STIM1: variants seen among roughly 807,000 people sequenced by gnomAD.
STIM1 encodes the protein stromal interaction molecule 1.
In STIM1, 25 loss-of-function variants were observed where a neutral mutation model predicts 74.7. That is an observed-to-expected ratio of 0.33 (90% CI 0.24 to 0.47). The LOEUF is 0.47. STIM1 is among the 20% of genes least tolerant of loss of function. STIM1 has a pLI of 1.00. For missense variants in STIM1, 728 were observed against 920.8 expected (o/e 0.79, Z 2.71); for synonymous variants, 328 against 348.8 (o/e 0.94, Z 0.66).
intron 5 of STIM1, among the ~76,000 whole-genome samples, chr11:4,061,781 G>A (rs765697353): frequency 3.3e-5 from 5 of 152,188 alleles, no homozygotes; most frequent in Non-Finnish European, 7.3e-5. Context: ...ACATTGTGGT[G>A]CAATGGAATA....
intron 3 of STIM1, among the ~76,000 whole-genome samples, chr11:4,034,428 A>G (rs2094081939): frequency 6.6e-6 from 1 of 152,164 alleles, no homozygotes; most frequent in South Asian, 2.1e-4. Context: ...TTGATAAATT[A>G]CAGTGACTGA....
chr11:3,891,208 T>A (rs572898000), intron 1 of STIM1, among the ~76,000 whole-genome samples: 11 of 152,300 alleles, frequency 7.2e-5, no homozygotes, highest in African/African-American at 2.4e-4. Flanking sequence ...TTGGTGCAAG[T>A]AGGACTTAAA....
At chr11:4,001,433 A>T (rs1437883362) in intron 2 of STIM1, among the ~76,000 whole-genome samples, 2 of 152,212 alleles carry the variant, frequency 1.3e-5, no homozygotes, top group African/African-American at 2.4e-5. Context: ...ACCAATATTC[A>T]ACATTCTTAA....
chr11:3,900,244 C>T (rs947393782), intron 1 of STIM1, among the ~76,000 whole-genome samples: 5 of 152,136 alleles, frequency 3.3e-5, no homozygotes, highest in Admixed American at 6.5e-5. Context: ...GAGCCAGGTG[C>T]GGGATACAAT....
chr11:3,961,280 T>A, intron 1 of STIM1: 1 of 229,994 alleles, frequency 4.3e-6, no homozygotes, highest in Non-Finnish European at 9.3e-6. Context: ...CCACTGTACC[T>A]GGCCCTGCAG....
At chr11:3,959,838 G>A (rs1187062498) in intron 1 of STIM1, among the ~76,000 whole-genome samples, 1 of 152,088 alleles carries the variant, frequency 6.6e-6, no homozygotes, top group Non-Finnish European at 1.5e-5. Context: ...AAAAAACTAT[G>A]TATACCTTTG....
In STIM1 at chr11:4,040,519, C is replaced by G. The variant is rs368860762; in HGVS notation, c.386-15007C>G. Among the ~76,000 whole-genome samples, 39 of 152,294 alleles carry G rather than the reference C, an allele frequency of 2.6e-4. No homozygotes were observed. In the South Asian group the frequency reaches 8.1e-3, roughly 32 times the overall value. On this transcript the variant is annotated intron_variant, in intron 3 of 12. Coordinates refer to ENST00000526596, the MANE Select transcript of STIM1 (RefSeq NM_001382567.1). ...GTGTCTTCTTCTGTGTTCCCACAGCCCCTATCTCTTCACAGCCCTTAGCAC... is the reference window on the plus strand; with the variant it reads ...GTGTCTTCTTCTGTGTTCCCACAGCGCCTATCTCTTCACAGCCCTTAGCAC...
At chr11:4,061,326 G>A (rs1277565072) in intron 5 of STIM1, among the ~76,000 whole-genome samples, 1 of 152,154 alleles carries the variant, frequency 6.6e-6, no homozygotes, top group African/African-American at 2.4e-5. Context: ...TCTTCTCTTA[G>A]GCTTATTGCA....
chr11:3,952,848 G>C (rs781694858), intron 1 of STIM1, among the ~76,000 whole-genome samples: 2 of 152,196 alleles, frequency 1.3e-5, no homozygotes, highest in Admixed American at 6.5e-5. Context: ...AGGCAAATAG[G>C]CTGTCTACCA....
At chr11:4,041,341 A>G (rs1043349246) in intron 3 of STIM1, among the ~76,000 whole-genome samples, 2 of 152,178 alleles carry the variant, frequency 1.3e-5, no homozygotes, top group African/African-American at 4.8e-5. Flanking sequence ...CTCACCCTTT[A>G]CCTGCTAGAG....
intron 1 of STIM1, among the ~76,000 whole-genome samples, chr11:3,962,445 TTGTGTGTGTGTGTGTGTG>T: frequency 6.8e-6 from 1 of 147,726 alleles, no homozygotes. Flanking sequence ...CTGAGTAGTA[TTGTGTGTGTGTGTGTGTG>T]TGTGTGTGTG....
At chr11:4,027,568 C>G (rs1291381927) in intron 3 of STIM1, among the ~76,000 whole-genome samples, 4 of 152,160 alleles carry the variant, frequency 2.6e-5, no homozygotes, top group African/African-American at 9.7e-5. Flanking sequence ...CCCACCTCGG[C>G]CTCCCAAAGT....
intron 2 of STIM1, among the ~76,000 whole-genome samples, chr11:4,013,977 G>A (rs892408438): frequency 6.6e-6 from 1 of 151,936 alleles, no homozygotes; most frequent in African/African-American, 2.4e-5. Flanking sequence ...AAAGTGCTGG[G>A]ATTACAGGCA....
intron 3 of STIM1, among the ~76,000 whole-genome samples, chr11:4,038,397 C>A (rs181151600): frequency 6.5e-4 from 98 of 151,888 alleles, no homozygotes; most frequent in Admixed American, 1.4e-3. Context: ...AGCACATATA[C>A]CCTAAAACTT....
At chr11:3,978,141 C>G (rs1299081420) in intron 2 of STIM1, among the ~76,000 whole-genome samples, 1 of 150,870 alleles carries the variant, frequency 6.6e-6, no homozygotes, top group African/African-American at 2.4e-5. Context: ...CTACATATGC[C>G]TGTGTACTTT....
chr11:4,091,606 A>T lies in STIM1; in HGVS notation c.1959A>T (p.Pro653=). ...DSSRSHSPSS[P]DPDTPSPVGD... is the part of the protein sequence containing the mutation. ...CCCGTTCTCACAGCCCCAGCTCCCC[A>T]GACCCAGACACACCATCTCCAGTTG... Residue 653 remains proline, a synonymous_variant, in exon 13 of 13, where the codon CCA becomes CCT. Transcript: ENST00000526596. 1 of 1,614,142 alleles carries T rather than the reference A, an allele frequency of 6.2e-7. No homozygotes were observed. The highest frequency in any genetic ancestry group is 8.5e-7 in the Non-Finnish European group (1 of 1,180,024).
intron 3 of STIM1, among the ~76,000 whole-genome samples, chr11:4,037,096 C>A (rs1208190787): frequency 6.6e-6 from 1 of 151,064 alleles, no homozygotes; most frequent in Non-Finnish European, 1.5e-5. Flanking sequence ...CGCTCTGTTG[C>A]CCAGGCTAGA....
chr11:4,028,253 T>G (rs913373040), intron 3 of STIM1, among the ~76,000 whole-genome samples: 3 of 152,036 alleles, frequency 2.0e-5, no homozygotes, highest in African/African-American at 7.2e-5. Context: ...AGCTAATTTT[T>G]GTATTTTTAA....
At chr11:3,940,647 C>T (rs924689609) in intron 1 of STIM1, among the ~76,000 whole-genome samples, 1 of 152,076 alleles carries the variant, frequency 6.6e-6, no homozygotes, top group Non-Finnish European at 1.5e-5. Context: ...GCCTCCCCTA[C>T]GACCCTTTCA....
Sources: gnomAD v4.1 joint callset for allele counts (sites outside exome capture counted in the v4.1 genomes callset) on GRCh38, gnomAD v4.1.1 for gene constraint, MANE v1.5 for transcripts, NCBI Gene and HGNC (gene_info 2026-07-23, HGNC 2026-07-21) for gene names.